PID1: variants seen among roughly 807,000 people sequenced by gnomAD.
The protein encoded by PID1 is phosphotyrosine interaction domain containing 1.
PID1 carries 10 observed loss-of-function variants against 19.1 expected under a neutral mutation model. The observed-to-expected ratio is 0.52, with a 90% CI of 0.32 to 0.89. PID1 has a LOEUF of 0.89. Ranked by LOEUF, PID1 falls within the 40% of genes least tolerant of loss-of-function variation. The pLI is 0.03. For missense variants in PID1, 248 were observed against 285.3 expected (o/e 0.87, Z 0.94); for synonymous variants, 130 against 116.0 (o/e 1.12, Z -0.78).
At position 229,083,393 on chromosome 2, in the gene PID1, A is replaced by AT. The variant is rs1469061201; in HGVS notation, c.178-57286dup. On this transcript the variant is annotated intron_variant, in intron 2 of 2. Transcript: ENST00000392055. ...CCATGTCAGGCAAAACATTAAAAGA[A>AT]TTTTTTTTAAGATCTAATGTTACTA... is the stretch of plus-strand genomic sequence containing the variant. Among the ~76,000 whole-genome samples, 10 of 152,074 alleles carry AT rather than the reference A, an allele frequency of 6.6e-5. No individual in the cohort carries two copies. The East Asian group carries it at 1.3e-3, about 20-fold the overall frequency.
rs1170895327 is a variant in PID1 at position 229,210,525 on chromosome 2, C to CAAAAAA, written c.31-54567_31-54562dup. On this transcript the variant is annotated intron_variant, in intron 1 of 2. Coordinates refer to ENST00000392055, the MANE Select transcript of PID1 (RefSeq NM_001100818.2). ...AAGCTCCCAGGCTGGAGTTTTGTCT[C>CAAAAAA]AAAAAAAAAAAAAAAAAAAAAAAAA... 7.3e-3 allele frequency among the ~76,000 whole-genome samples: 113 copies of CAAAAAA among 15,520 alleles called. 10 individuals carry two copies. The highest frequency in any genetic ancestry group is 0.014 in the Admixed American group (10 of 738). 10.2% of individuals were successfully genotyped at this position (15,520 alleles called of 152,430 possible). A position where few individuals can be genotyped will look rare whatever the true frequency, so the allele number is the denominator to read the frequency against.
At chr2:229,027,253 T>A (rs1324362855) in intron 2 of PID1, among the ~76,000 whole-genome samples, 1 of 152,194 alleles carries the variant, frequency 6.6e-6, no homozygotes, top group Non-Finnish European at 1.5e-5. Flanking sequence ...GTAGTCCCTT[T>A]AAGAAAATAA....
chr2:229,135,138 G>T (rs544944339), intron 2 of PID1, among the ~76,000 whole-genome samples: 50 of 152,318 alleles, frequency 3.3e-4, no homozygotes, highest in African/African-American at 1.2e-3. Context: ...GAAGGGTCTT[G>T]TCTCAGTAGA....
chr2:229,118,029 T>C (rs553601163), intron 2 of PID1, among the ~76,000 whole-genome samples: 1 of 152,316 alleles, frequency 6.6e-6, no homozygotes, highest in South Asian at 2.1e-4. Context: ...TTCATGAGGC[T>C]GGGATACTTA....
chr2:229,070,580 C>T (rs943190496), intron 2 of PID1, among the ~76,000 whole-genome samples: 1 of 152,138 alleles, frequency 6.6e-6, no homozygotes, highest in African/African-American at 2.4e-5. Flanking sequence ...TGGACGTCCA[C>T]CCAAAATTCG....
intron 1 of PID1, among the ~76,000 whole-genome samples, chr2:229,243,504 C>T (rs906302586): frequency 5.3e-5 from 8 of 152,098 alleles, no homozygotes; most frequent in South Asian, 2.1e-4. Context: ...CTCAAGACTG[C>T]GCACTCCCAG....
At chr2:229,214,459 T>G (rs1691803056) in intron 1 of PID1, among the ~76,000 whole-genome samples, 1 of 152,164 alleles carries the variant, frequency 6.6e-6, no homozygotes, top group South Asian at 2.1e-4. Context: ...CTGAGGATAT[T>G]GAAGGCTTCA....
chr2:229,251,518 T>TA (rs1324505406), intron 1 of PID1, among the ~76,000 whole-genome samples: 2 of 152,220 alleles, frequency 1.3e-5, no homozygotes, highest in Admixed American at 1.3e-4. Context: ...TTCCAATTTC[T>TA]AAAGCAGGCT....
chr2:229,195,083 T>A (rs894796925), intron 1 of PID1, among the ~76,000 whole-genome samples: 1 of 152,002 alleles, frequency 6.6e-6, no homozygotes, highest in Non-Finnish European at 1.5e-5. Context: ...ATCATTAAAT[T>A]AATACAAATT....
At position 229,025,504 on chromosome 2, in the gene PID1, G is replaced by C. The variant is rs1378877917; in HGVS notation, c.*128C>G. 1 of 708,412 alleles carries C rather than the reference G, an allele frequency of 1.4e-6. No homozygotes were observed. Among genetic ancestry groups the C allele is most frequent in the Admixed American group, 2.4e-5 (1 of 42,526 alleles). The allele number at this position is 708,412 out of a possible 1,614,324, so 43.9% of individuals were successfully genotyped here. ...TCTTTAGATTTAGAATTGCTCTTCT[G>C]AATTTAAAAACCTTGGTCAGCCAAT... On this transcript the variant is annotated 3_prime_UTR_variant, in exon 3 of 3. Coordinates refer to ENST00000392055, the MANE Select transcript of PID1 (RefSeq NM_001100818.2).
At chr2:229,095,144 C>T (rs1265242941) in intron 2 of PID1, among the ~76,000 whole-genome samples, 1 of 152,132 alleles carries the variant, frequency 6.6e-6, no homozygotes, top group African/African-American at 2.4e-5. Flanking sequence ...ACCACACAAA[C>T]ACAGAGAGAC....
intron 1 of PID1, among the ~76,000 whole-genome samples, chr2:229,181,269 C>G (rs561615978): frequency 1.3e-5 from 2 of 152,046 alleles, no homozygotes; most frequent in Admixed American, 6.5e-5. Context: ...GATGAGGCCC[C>G]GAAGGGAGAA....
chr2:229,262,831 C>T lies in PID1; in HGVS notation c.30+8183G>A, dbSNP rs377045541. The T allele has an allele frequency of 8.0e-5, 124 of 1,550,294 alleles. No individual in the cohort carries two copies. The African/African-American group carries it at 1.5e-3, about 18-fold the overall frequency. On this transcript the variant is annotated intron_variant, in intron 1 of 2. Coordinates refer to ENST00000392055, the MANE Select transcript of PID1 (RefSeq NM_001100818.2). ...TCCTTGGCTTATGATGCCATAACTC[C>T]GGTTTCTGCCTTGATCTTCACAATG...
chr2:229,080,581 T>C (rs934394011), intron 2 of PID1, among the ~76,000 whole-genome samples: 2 of 152,074 alleles, frequency 1.3e-5, no homozygotes, highest in African/African-American at 4.8e-5. Context: ...CCAATTAGAG[T>C]TCAGATCACA....
chr2:229,235,789 T>A (rs1239379103), intron 1 of PID1, among the ~76,000 whole-genome samples: 1 of 151,972 alleles, frequency 6.6e-6, no homozygotes, highest in Admixed American at 6.6e-5. Flanking sequence ...GGCATTCCAG[T>A]CTGAAGCAAG....
At chr2:229,103,155 G>T (rs527255735) in intron 2 of PID1, among the ~76,000 whole-genome samples, 1 of 152,140 alleles carries the variant, frequency 6.6e-6, no homozygotes. Flanking sequence ...TTAGGTGTGG[G>T]AGAAACTTCG....
intron 2 of PID1, among the ~76,000 whole-genome samples, chr2:229,146,257 C>T (rs1217410266): frequency 6.6e-6 from 1 of 152,056 alleles, no homozygotes; most frequent in Non-Finnish European, 1.5e-5. Flanking sequence ...TGTTCTCACT[C>T]ATAAGTGGGA....
chr2:229,098,699 C>G (rs548180675), intron 2 of PID1, among the ~76,000 whole-genome samples: 28 of 152,262 alleles, frequency 1.8e-4, no homozygotes, highest in African/African-American at 6.7e-4. Context: ...ATTCTTCTTT[C>G]TGAGACCAGG....
At chr2:229,201,902 T>A (rs191472013) in intron 1 of PID1, among the ~76,000 whole-genome samples, 1 of 151,990 alleles carries the variant, frequency 6.6e-6, no homozygotes, top group Non-Finnish European at 1.5e-5. Context: ...TTCCATGGCA[T>A]TTTTTTTCTT....
Sources: allele counts gnomAD v4.1 joint callset (sites outside exome capture counted in the v4.1 genomes callset), GRCh38; gene constraint gnomAD v4.1.1; transcripts MANE v1.5; gene names NCBI Gene and HGNC (gene_info 2026-07-23, HGNC 2026-07-21).